Variants in FAM174B observed in about 807,000 individuals in gnomAD.
FAM174B encodes family with sequence similarity 174 member B, also known as membrane protein FAM174B.
A neutral mutation model predicts 10.9 loss-of-function variants in FAM174B; 12 were observed. The ratio of observed to expected loss-of-function variants is 1.10; its 90% CI spans 0.71 to 1.79. FAM174B has a LOEUF of 1.79. Ranked by LOEUF, FAM174B falls within the 40% of genes most tolerant of loss-of-function variation. FAM174B has a pLI of 0.00. For missense variants in FAM174B, 266 were observed against 233.3 expected (o/e 1.14, Z -0.91); for synonymous variants, 132 against 115.8 (o/e 1.14, Z -0.90).
intron 1 of FAM174B, among the ~76,000 whole-genome samples, chr15:92,634,008 G>A (rs182926363): frequency 2.5e-3 from 388 of 152,256 alleles, no homozygotes; most frequent in African/African-American, 7.9e-3. Context: ...CGATCTACAC[G>A]CCTTTCTCAG....
intron 1 of FAM174B, among the ~76,000 whole-genome samples, chr15:92,638,039 C>A (rs2050867244): frequency 6.6e-6 from 1 of 152,178 alleles, no homozygotes; most frequent in African/African-American, 2.4e-5. Flanking sequence ...AGCTAGCACT[C>A]CCCATCAAAG....
In FAM174B at chr15:92,617,851, G is replaced by GGC; in HGVS notation, c.*1604_*1605insGC. The stretch of plus-strand genomic sequence containing the variant: ...CAACAAAGAAGGTGAAATGCAGGGA[G>GGC]CAGAGACTACACGCAGGCCCCCCGT... On this transcript the variant is annotated 3_prime_UTR_variant, in exon 3 of 3. Transcript: ENST00000327355. 1 of 476,420 alleles carries GGC rather than the reference G, an allele frequency of 2.1e-6. No individual in the cohort carries two copies. Among genetic ancestry groups the GGC allele is most frequent in the Non-Finnish European group, 3.7e-6 (1 of 272,074 alleles). 29.5% of individuals were successfully genotyped at this position (476,420 alleles called of 1,614,324 possible). A position where few individuals can be genotyped will look rare whatever the true frequency, so the allele number is the denominator to read the frequency against.
chr15:92,651,235 A>G (rs951031008), intron 1 of FAM174B, among the ~76,000 whole-genome samples: 2 of 152,180 alleles, frequency 1.3e-5, no homozygotes, highest in African/African-American at 4.8e-5. Context: ...GTGCCTGCTC[A>G]AGGAAATCAA....
chr15:92,649,071 T>C (rs1309888442), intron 1 of FAM174B, among the ~76,000 whole-genome samples: 2 of 152,204 alleles, frequency 1.3e-5, no homozygotes, highest in African/African-American at 2.4e-5. Context: ...GATACTGACA[T>C]TGGAGTTCCC....
chr15:92,636,638 G>A (rs2050857912), intron 1 of FAM174B, among the ~76,000 whole-genome samples: 4 of 150,484 alleles, frequency 2.7e-5, no homozygotes, highest in Admixed American at 2.0e-4. Flanking sequence ...AGGCTGCATG[G>A]GGCTTGAGAG....
At position 92,619,095 on chromosome 15, in the gene FAM174B, T is replaced by C; in HGVS notation, c.*361A>G. On this transcript the variant is annotated 3_prime_UTR_variant, in exon 3 of 3. Transcript: ENST00000327355. ...GCTTGTTTTAGATTCTTGATCCTCC[T>C]GATCTCTTTTACTATTGTCAACAAT... 1.6e-6 allele frequency: 1 copy of C among 640,982 alleles called. No homozygotes were observed. Among genetic ancestry groups the C allele is most frequent in the South Asian group, 1.8e-5 (1 of 55,040 alleles). 39.7% of individuals were successfully genotyped at this position (640,982 alleles called of 1,614,324 possible). A position where few individuals can be genotyped will look rare whatever the true frequency, so the allele number is the denominator to read the frequency against.
intron 1 of FAM174B, among the ~76,000 whole-genome samples, chr15:92,638,789 C>G (rs193296964): frequency 6.6e-6 from 1 of 152,188 alleles, no homozygotes; most frequent in African/African-American, 2.4e-5. Flanking sequence ...TGCAGGACAT[C>G]GCAACCAGGC....
intron 1 of FAM174B, among the ~76,000 whole-genome samples, chr15:92,645,890 C>T (rs1229118765): frequency 1.3e-5 from 2 of 152,150 alleles, no homozygotes; most frequent in Non-Finnish European, 2.9e-5. Flanking sequence ...TAGGCAGATG[C>T]TCCCAATGCC....
intron 1 of FAM174B, among the ~76,000 whole-genome samples, chr15:92,643,634 G>A (rs1203388607): frequency 6.6e-6 from 1 of 152,130 alleles, no homozygotes; most frequent in Non-Finnish European, 1.5e-5. Context: ...GTGTCAGGCT[G>A]CCCCTCTGGC....
chr15:92,639,172 T>A (rs1287263781), intron 1 of FAM174B: 1 of 152,268 alleles, frequency 6.6e-6, no homozygotes. Context: ...GACCTCTGGA[T>A]GTGCCCCAAC....
At chr15:92,646,499 C>A (rs1032595066) in intron 1 of FAM174B, among the ~76,000 whole-genome samples, 4 of 152,168 alleles carry the variant, frequency 2.6e-5, no homozygotes, top group Admixed American at 6.5e-5. Context: ...CCCCTCCTCT[C>A]AGCAAGGCTA....
chr15:92,629,895 T>C (rs1447473657), intron 2 of FAM174B, among the ~76,000 whole-genome samples: 2 of 152,088 alleles, frequency 1.3e-5, no homozygotes, highest in South Asian at 2.1e-4. Context: ...CTTCATAAGC[T>C]CTCTTGCCTG....
chr15:92,638,956 C>A (rs1332118653), intron 1 of FAM174B, among the ~76,000 whole-genome samples: 1 of 152,224 alleles, frequency 6.6e-6, no homozygotes, highest in Non-Finnish European at 1.5e-5. Flanking sequence ...AGGCGACAAC[C>A]CTGAGTGCCA....
chr15:92,641,013 A>G (rs2050888133), intron 1 of FAM174B, among the ~76,000 whole-genome samples: 1 of 152,178 alleles, frequency 6.6e-6, no homozygotes, highest in Admixed American at 6.6e-5. Flanking sequence ...CCAATAAAAA[A>G]GATCAATAAT....
At position 92,655,651 on chromosome 15, in the gene FAM174B, G is replaced by C. The variant is rs1161868145; in HGVS notation, c.9C>G (p.Ala3=). Reference sequence around the variant, plus strand: ...GCAGGAGCGGGGCGGGCAGCGGCACGGCGCGCATAGTGCGGTGGGTCGGCA... The same window carrying C: ...GCAGGAGCGGGGCGGGCAGCGGCACCGCGCGCATAGTGCGGTGGGTCGGCA... The part of the protein sequence containing the change: MR[A]VPLPAPLLPL... Residue 3 remains alanine, a synonymous_variant, in exon 1 of 3, where the codon GCC becomes GCG. Coordinates refer to ENST00000327355, the MANE Select transcript of FAM174B (RefSeq NM_207446.3). The C allele has an allele frequency of 1.8e-5, 23 of 1,255,428 alleles. No individual in the cohort carries two copies. Among genetic ancestry groups the C allele is most frequent in the Non-Finnish European group, 2.3e-5 (23 of 1,005,512 alleles). 77.8% of individuals were successfully genotyped at this position (1,255,428 alleles called of 1,614,324 possible).
chr15:92,637,315 G>A (rs2050862379), intron 1 of FAM174B, among the ~76,000 whole-genome samples: 1 of 152,222 alleles, frequency 6.6e-6, no homozygotes, highest in Non-Finnish European at 1.5e-5. Context: ...GAAACAGAAA[G>A]TAAAGGCAAT....
intron 1 of FAM174B, among the ~76,000 whole-genome samples, chr15:92,648,851 G>A (rs916213714): frequency 6.6e-6 from 1 of 152,222 alleles, no homozygotes; most frequent in African/African-American, 2.4e-5. Context: ...ATTCCTGGCA[G>A]ATTGCCCTTA....
At chr15:92,655,186 A>G in intron 1 of FAM174B, 130 bp downstream of exon 1, 1 of 1,307,294 alleles carries the variant, frequency 7.6e-7, no homozygotes, top group Non-Finnish European at 1.0e-6. Flanking sequence ...CGGGCAGGGC[A>G]GGAGGCACAC....
At chr15:92,627,393 G>C (rs1190685554) in intron 2 of FAM174B, 1 of 171,102 alleles carries the variant, frequency 5.8e-6, no homozygotes, top group East Asian at 1.9e-4. Flanking sequence ...GAAGAACTGA[G>C]ACAAGCTGTG....
Sources: allele counts gnomAD v4.1 joint callset (sites outside exome capture counted in the v4.1 genomes callset), GRCh38; gene constraint gnomAD v4.1.1; transcripts MANE v1.5; gene names NCBI Gene and HGNC (gene_info 2026-07-23, HGNC 2026-07-21).